The following CLSTN2 variants were observed in gnomAD, a reference collection of about 807,000 sequenced individuals.
CLSTN2 encodes calsyntenin 2, also known as calsyntenin-2.
In CLSTN2, 48 loss-of-function variants were observed where a neutral mutation model predicts 101.2. The ratio of observed to expected loss-of-function variants is 0.47; its 90% CI spans 0.38 to 0.60. CLSTN2 has a LOEUF of 0.60. Ranked by LOEUF, CLSTN2 falls within the 20% of genes least tolerant of loss-of-function variation. The pLI, the probability that CLSTN2 is intolerant of heterozygous loss-of-function variation, is 0.00. For missense variants in CLSTN2, 1,160 were observed against 1,238.2 expected (o/e 0.94, Z 0.95); for synonymous variants, 481 against 463.6 (o/e 1.04, Z -0.48).
At chr3:140,560,897 C>T (rs760484668) in intron 12 of CLSTN2, among the ~76,000 whole-genome samples, 11 of 152,060 alleles carry the variant, frequency 7.2e-5, no homozygotes, top group East Asian at 1.9e-4. Context: ...CTGTCTTAAG[C>T]GTATGTTATT....
chr3:140,566,174 G>A lies in CLSTN2; in HGVS notation c.2789G>A (p.Gly930Glu), dbSNP rs1333814424. 1 of 1,611,726 alleles carries A rather than the reference G, an allele frequency of 6.2e-7. No homozygotes were observed. Among genetic ancestry groups the A allele is most frequent in the Non-Finnish European group, 8.5e-7 (1 of 1,179,024 alleles). Residue 930 changes from glycine (G) to glutamate (E), a missense_variant, in exon 17 of 17, where the codon GGG becomes GAG. Physicochemically the swap from Gly to Glu is moderately conservative, Grantham distance 98. Transcript: ENST00000458420. Reference protein sequence around the residue: ...DDSEEEEEEEGMGRGRHGQNG... With the variant: ...DDSEEEEEEEEMGRGRHGQNG... ...AGCGAAGAGGAGGAGGAGGAGGAAGGGATGGGCAGAGGCAGACATGGGCAG... is the reference window on the plus strand; with the variant it reads ...AGCGAAGAGGAGGAGGAGGAGGAAGAGATGGGCAGAGGCAGACATGGGCAG...
intron 1 of CLSTN2, among the ~76,000 whole-genome samples, chr3:140,000,870 A>G (rs963274843): frequency 1.3e-5 from 2 of 152,074 alleles, no homozygotes; most frequent in African/African-American, 4.8e-5. Context: ...CCCTATACCA[A>G]AGGCCTGTAA....
In CLSTN2 at chr3:139,935,328, C is replaced by T. The variant is rs934178225; in HGVS notation, c.-47C>T. The T allele has an allele frequency of 9.4e-7, 1 of 1,065,898 alleles. No individual in the cohort carries two copies. The highest frequency in any genetic ancestry group is 1.2e-6 in the Non-Finnish European group (1 of 839,374). 66.0% of individuals were successfully genotyped at this position (1,065,898 alleles called of 1,614,324 possible). Reference sequence around the variant, plus strand: ...GCAGGCACCGGGAGGCGAGAGCCGGCGCGGACAGTAGGCGGCGGCTGCAGC... The same window carrying T: ...GCAGGCACCGGGAGGCGAGAGCCGGTGCGGACAGTAGGCGGCGGCTGCAGC... On this transcript the variant is annotated 5_prime_UTR_variant, in exon 1 of 17. Transcript: ENST00000458420. This position sits in a 1 kb window ranked among gnomAD's most constrained non-coding sequence, Gnocchi z 5.5.
At chr3:140,364,642 CT>C (rs1365963661) in intron 2 of CLSTN2, among the ~76,000 whole-genome samples, 1 of 152,130 alleles carries the variant, frequency 6.6e-6, no homozygotes, top group Non-Finnish European at 1.5e-5. Flanking sequence ...AGTCTAGTCC[CT>C]GGGGTCTGGG....
intron 1 of CLSTN2, among the ~76,000 whole-genome samples, chr3:140,120,156 C>T (rs1410486577): frequency 6.6e-6 from 1 of 152,066 alleles, no homozygotes; most frequent in African/African-American, 2.4e-5. Context: ...ATCAAGAATG[C>T]CTACCACCAC....
chr3:140,033,165 T>C (rs1290598056), intron 1 of CLSTN2, among the ~76,000 whole-genome samples: 2 of 152,186 alleles, frequency 1.3e-5, no homozygotes, highest in African/African-American at 4.8e-5. Context: ...ATAAAAACTA[T>C]AGTGTGCTCT....
chr3:140,058,786 A>G (rs917406388), intron 1 of CLSTN2, among the ~76,000 whole-genome samples: 1 of 152,044 alleles, frequency 6.6e-6, no homozygotes, highest in African/African-American at 2.4e-5. Flanking sequence ...ATGACAAAAA[A>G]AAAAAAAGGT....
At chr3:140,006,528 G>T (rs948696258) in intron 1 of CLSTN2, among the ~76,000 whole-genome samples, 1 of 152,094 alleles carries the variant, frequency 6.6e-6, no homozygotes, top group South Asian at 2.1e-4. Context: ...AATCTCTCTG[G>T]CTGGCTGCAT....
chr3:140,303,786 G>A (rs1410871952), intron 2 of CLSTN2, among the ~76,000 whole-genome samples: 5 of 151,868 alleles, frequency 3.3e-5, no homozygotes, highest in African/African-American at 4.8e-5. Context: ...TATCCTAAGA[G>A]GCATCAACTT....
intron 1 of CLSTN2, among the ~76,000 whole-genome samples, chr3:140,147,458 T>G (rs2009797162): frequency 6.6e-6 from 1 of 152,164 alleles, no homozygotes; most frequent in African/African-American, 2.4e-5. Flanking sequence ...TGACCCACAC[T>G]CCTATGGACA....
chr3:140,416,952 T>G (rs1438495807), intron 4 of CLSTN2, among the ~76,000 whole-genome samples: 1 of 152,196 alleles, frequency 6.6e-6, no homozygotes, highest in Non-Finnish European at 1.5e-5. Context: ...ATTCTTAAAG[T>G]GAATGAAAAT....
chr3:140,393,517 A>G (rs1219975925), intron 2 of CLSTN2, among the ~76,000 whole-genome samples: 1 of 152,242 alleles, frequency 6.6e-6, no homozygotes, highest in South Asian at 2.1e-4. Context: ...TGCCTGCTAG[A>G]TTCCTCCTTA....
intron 9 of CLSTN2, among the ~76,000 whole-genome samples, 179 bp downstream of exon 9, chr3:140,532,665 T>A (rs1935281991): frequency 6.6e-6 from 1 of 152,216 alleles, no homozygotes; most frequent in African/African-American, 2.4e-5. Flanking sequence ...ACGTATTGTA[T>A]AATAACAAGC....
intron 1 of CLSTN2, among the ~76,000 whole-genome samples, chr3:139,957,045 G>C (rs1935419158): frequency 6.6e-6 from 1 of 152,190 alleles, no homozygotes; most frequent in African/African-American, 2.4e-5. Context: ...GCAGAAACTA[G>C]CAAGCTGACA....
At chr3:140,423,609 A>G (rs2088530150) in intron 5 of CLSTN2, among the ~76,000 whole-genome samples, 1 of 152,124 alleles carries the variant, frequency 6.6e-6, no homozygotes, top group Non-Finnish European at 1.5e-5. Flanking sequence ...TTTCTCTTCA[A>G]AGAGCCTAAT....
At position 140,242,086 on chromosome 3, in the gene CLSTN2, A is replaced by G. The variant is rs368051907; in HGVS notation, c.232+66013A>G. On this transcript the variant is annotated intron_variant, in intron 2 of 16. Transcript: ENST00000458420. Reference sequence around the variant, plus strand: ...CCATGCCTGGCTGGCTAATTTTTGTATTTTTGGTAGAGATGGGGTTTCACC... The same window carrying G: ...CCATGCCTGGCTGGCTAATTTTTGTGTTTTTGGTAGAGATGGGGTTTCACC... Among the ~76,000 whole-genome samples, 3 of 151,904 alleles carry G rather than the reference A, an allele frequency of 2.0e-5. No individual in the cohort carries two copies. The East Asian group carries it at 5.8e-4, about 29-fold the overall frequency.
chr3:140,259,704 A>G (rs761296826), intron 2 of CLSTN2, among the ~76,000 whole-genome samples: 4 of 151,878 alleles, frequency 2.6e-5, no homozygotes, highest in African/African-American at 4.8e-5. Flanking sequence ...ATTATTTTCT[A>G]TTTTCCAAAA....
intron 1 of CLSTN2, among the ~76,000 whole-genome samples, chr3:140,039,398 C>A (rs1238750365): frequency 6.6e-6 from 1 of 152,190 alleles, no homozygotes; most frequent in Non-Finnish European, 1.5e-5. Flanking sequence ...CCCTTACTCC[C>A]ATTGCTGTCC....
At chr3:140,375,765 A>G (rs1055195911) in intron 2 of CLSTN2, among the ~76,000 whole-genome samples, 1 of 152,120 alleles carries the variant, frequency 6.6e-6, no homozygotes, top group Non-Finnish European at 1.5e-5. Flanking sequence ...GTTGTTTTAA[A>G]TGATTCTGTC....
Sources: gnomAD v4.1 joint callset for allele counts (sites outside exome capture counted in the v4.1 genomes callset) on GRCh38, gnomAD v4.1.1 for gene constraint, Gnocchi (gnomAD v3.1) non-coding constraint, MANE v1.5 for transcripts, NCBI Gene and HGNC (gene_info 2026-07-23, HGNC 2026-07-21) for gene names.